Variants in USH2A observed in about 807,000 individuals in gnomAD.
The protein encoded by USH2A is Usher syndrome 2A (autosomal recessive, mild).
Under a neutral mutation model 538.9 loss-of-function variants are expected in USH2A, and 443 were observed. That is an observed-to-expected ratio of 0.82 (90% CI 0.76 to 0.89). The LOEUF is 0.89. Ranked by LOEUF, USH2A falls within the 40% of genes least tolerant of loss-of-function variation. USH2A has a pLI of 0.00. For synonymous variants in USH2A, 2,413 were observed against 2,273.5 expected (o/e 1.06, Z -1.75); for missense variants, 6,633 against 6,324.8 (o/e 1.05, Z -1.65).
chr1:216,381,155 T>C (rs182104539), intron 3 of USH2A, among the ~76,000 whole-genome samples: 20 of 152,184 alleles, frequency 1.3e-4, no homozygotes, highest in Admixed American at 3.3e-4. Flanking sequence ...TTGAGATACG[T>C]ACACAAAGAA....
intron 35 of USH2A, among the ~76,000 whole-genome samples, chr1:215,977,079 T>C (rs1190006846): frequency 1.3e-5 from 2 of 151,634 alleles, no homozygotes; most frequent in Non-Finnish European, 2.9e-5. Flanking sequence ...TCAGAGACTA[T>C]TATAAACACC....
chr1:215,852,031 A>G (rs924593999), intron 44 of USH2A, among the ~76,000 whole-genome samples: 1 of 152,204 alleles, frequency 6.6e-6, no homozygotes, highest in Non-Finnish European at 1.5e-5. Flanking sequence ...CATAGAAAGG[A>G]CATACTTTAA....
intron 35 of USH2A, among the ~76,000 whole-genome samples, chr1:215,977,999 T>C (rs1158754680): frequency 6.6e-6 from 1 of 152,100 alleles, no homozygotes; most frequent in Non-Finnish European, 1.5e-5. Flanking sequence ...TGATGACATG[T>C]GCCTGTGGTC....
intron 4 of USH2A, 81 bp downstream of exon 4, chr1:216,364,872 T>C (rs2038564471): frequency 1.3e-6 from 2 of 1,565,930 alleles, no homozygotes; most frequent in Middle Eastern, 3.9e-4. Context: ...CGTAGATATT[T>C]TAAAATATTA....
At chr1:216,185,943 C>T (rs1003390931) in intron 20 of USH2A, among the ~76,000 whole-genome samples, 1 of 151,584 alleles carries the variant, frequency 6.6e-6, no homozygotes, top group Non-Finnish European at 1.5e-5. Context: ...TCTGAACAAC[C>T]CTAAAAATGA....
intron 38 of USH2A, among the ~76,000 whole-genome samples, chr1:215,933,719 GAT>G (rs1267086154): frequency 6.6e-6 from 1 of 151,914 alleles, no homozygotes; most frequent in Non-Finnish European, 1.5e-5. Flanking sequence ...GCTGATAAAA[GAT>G]TGTGACATTC....
At chr1:215,759,633 G>A in intron 57 of USH2A, 27 bp downstream of exon 57, 1 of 1,613,326 alleles carries the variant, frequency 6.2e-7, no homozygotes, top group Admixed American at 1.7e-5. Flanking sequence ...CCTGCTGTAT[G>A]ATTGGTAAAG....
chr1:216,112,020 CTTTTTA>C (rs1460436938), intron 21 of USH2A, among the ~76,000 whole-genome samples: 1 of 151,828 alleles, frequency 6.6e-6, no homozygotes, highest in African/African-American at 2.4e-5. Flanking sequence ...AAAACTTTTT[CTTTTTA>C]CTTGACTGCC....
intron 32 of USH2A, among the ~76,000 whole-genome samples, chr1:216,040,063 AC>A (rs1161465087): frequency 1.3e-5 from 2 of 150,982 alleles, no homozygotes; most frequent in African/African-American, 4.9e-5. Context: ...ACACACACAC[AC>A]ACACACACAC....
chr1:216,322,782 T>G (rs1486344774), intron 8 of USH2A, among the ~76,000 whole-genome samples: 2 of 152,102 alleles, frequency 1.3e-5, no homozygotes, highest in Non-Finnish European at 2.9e-5. Flanking sequence ...TATACTGGTA[T>G]TTTGGTCTGC....
intron 61 of USH2A, among the ~76,000 whole-genome samples, chr1:215,722,816 G>A (rs963791210): frequency 2.6e-5 from 4 of 152,126 alleles, no homozygotes; most frequent in African/African-American, 7.2e-5. Flanking sequence ...TTATAACCCC[G>A]TGGAACAAGC....
At chr1:216,327,531 T>C in intron 5 of USH2A, 60 bp downstream of exon 5, 1 of 1,573,542 alleles carries the variant, frequency 6.4e-7, no homozygotes, top group Non-Finnish European at 8.7e-7. Context: ...TATTCTTATT[T>C]AAGTGAATTC....
chr1:215,970,823 AAAG>A lies in USH2A; in HGVS notation c.6806-50_6806-48del, dbSNP rs1482165879. The A allele has an allele frequency of 3.1e-6, 5 of 1,589,806 alleles. No individual in the cohort carries two copies. The South Asian group carries it at 5.5e-5, about 18-fold the overall frequency. Reference sequence around the variant, plus strand: ...TTCAGTATGACTACTAGACAATAGCAAAGAAGGTCTTAAGAAAGCAAGCACTCT... The same window carrying A: ...TTCAGTATGACTACTAGACAATAGCAAAGGTCTTAAGAAAGCAAGCACTCT... On this transcript the variant is annotated intron_variant, in intron 35 of 71. Coordinates refer to ENST00000307340, the MANE Select transcript of USH2A (RefSeq NM_206933.4).
Position 216,418,513 on chromosome 1 carries a change from C to T in USH2A, c.651+1G>A, listed in dbSNP as rs1553257761. ...TGTTAAATATTTTTTATTTTACTCA[C>T]CTGCACACTAAGATGAATCCATTTC... On this transcript the variant is annotated splice_donor_variant, in intron 3 of 71. Coordinates refer to ENST00000307340, the MANE Select transcript of USH2A (RefSeq NM_206933.4). LOFTEE classifies it high-confidence loss of function. The T allele has an allele frequency of 1.2e-6, 2 of 1,612,750 alleles. No homozygotes were observed. Among genetic ancestry groups the T allele is most frequent in the Non-Finnish European group, 1.7e-6 (2 of 1,179,378 alleles).
intron 20 of USH2A, among the ~76,000 whole-genome samples, chr1:216,187,630 A>G (rs2034636352): frequency 1.3e-5 from 2 of 152,028 alleles, no homozygotes; most frequent in South Asian, 2.1e-4. Flanking sequence ...AAGTTGTAAA[A>G]TAAACTCTCC....
chr1:215,685,557 C>T (rs1024162613), intron 61 of USH2A, among the ~76,000 whole-genome samples: 1 of 152,028 alleles, frequency 6.6e-6, no homozygotes, highest in Non-Finnish European at 1.5e-5. Flanking sequence ...GGGGTTTCAC[C>T]ATCTTAGCCA....
intron 32 of USH2A, among the ~76,000 whole-genome samples, chr1:216,017,472 T>C (rs1176789593): frequency 6.6e-6 from 1 of 152,226 alleles, no homozygotes; most frequent in Non-Finnish European, 1.5e-5. Flanking sequence ...TGGAGGTTTT[T>C]CTCTCAGAAT....
chr1:216,144,038 G>A lies in USH2A; in HGVS notation c.4627+31214C>T, dbSNP rs559923344. Among the ~76,000 whole-genome samples, 170 of 152,314 alleles carry A rather than the reference G, an allele frequency of 1.1e-3. 4 individuals are homozygous for A. Among genetic ancestry groups the A allele is most frequent in the East Asian group, 4.8e-3 (25 of 5,184 alleles). ...AGAGCCAAAAATGTAATCTCATACA[G>A]ATCAACAGATTGGATTTAAAGGGAT... is the stretch of plus-strand genomic sequence containing the variant. On this transcript the variant is annotated intron_variant, in intron 21 of 71. Coordinates refer to ENST00000307340, the MANE Select transcript of USH2A (RefSeq NM_206933.4).
Position 215,675,410 on chromosome 1 carries a change from C to A in USH2A, c.12501G>T (p.Lys4167Asn), listed in dbSNP as rs1157496078. The stretch of plus-strand genomic sequence containing the variant: ...ACCAGCTCAGCTCAACACTGGTGGA[C>A]TTCACAGAGTGGACAGTAGGAGCCA... ...SQLAPTVHSV[K>N]STSVELSWSE... The change falls in exon 63 of 72, where the codon AAG (lysine) becomes AAT (asparagine). Residue 4167 changes from lysine (K) to asparagine (N), a missense_variant. Coordinates refer to ENST00000307340, the MANE Select transcript of USH2A (RefSeq NM_206933.4). 1 of 1,614,122 alleles carries A rather than the reference C, an allele frequency of 6.2e-7. No individual in the cohort carries two copies. Among genetic ancestry groups the A allele is most frequent in the Non-Finnish European group, 8.5e-7 (1 of 1,180,010 alleles).
Sources: gnomAD v4.1 joint callset for allele counts (sites outside exome capture counted in the v4.1 genomes callset) on GRCh38, gnomAD v4.1.1 for gene constraint, MANE v1.5 for transcripts, NCBI Gene and HGNC (gene_info 2026-07-23, HGNC 2026-07-21) for gene names.